Variants in GRAMD2A observed in about 807,000 individuals in gnomAD.
The protein encoded by GRAMD2A is GRAM domain-containing protein 2A.
GRAMD2A carries 37 observed loss-of-function variants against 51.1 expected under a neutral mutation model. That is an observed-to-expected ratio of 0.72 (90% CI 0.56 to 0.95). GRAMD2A has a LOEUF of 0.95. Ranked by LOEUF, GRAMD2A falls within the 40% of genes least tolerant of loss-of-function variation. The probability of loss-of-function intolerance (pLI) is 0.00; values close to 1 mark genes in which losing one functional copy is unlikely to be tolerated. For synonymous variants in GRAMD2A, 136 were observed against 157.1 expected, an observed-to-expected ratio of 0.87 and a Z score of 1.01; for missense variants, 414 against 426.9, an observed-to-expected ratio of 0.97 and a Z score of 0.27.
At chr15:72,195,467 C>T (rs759840501) in intron 1 of GRAMD2A, among the ~76,000 whole-genome samples, 2 of 152,170 alleles carry the variant, frequency 1.3e-5, no homozygotes, top group Non-Finnish European at 2.9e-5. Flanking sequence ...GCACTAACAG[C>T]GCAGCAGCTC....
chr15:72,179,935 G>T (rs774028076), intron 1 of GRAMD2A, among the ~76,000 whole-genome samples: 3 of 152,112 alleles, frequency 2.0e-5, no homozygotes, highest in Non-Finnish European at 2.9e-5. Flanking sequence ...GGAACCAGCC[G>T]CGGCAAGGCC....
intron 1 of GRAMD2A, among the ~76,000 whole-genome samples, chr15:72,190,118 T>C (rs1156664812): frequency 6.6e-6 from 1 of 152,216 alleles, no homozygotes; most frequent in Non-Finnish European, 1.5e-5. Flanking sequence ...GGCTCACGCC[T>C]GTAATCCCAG....
chr15:72,182,946 G>A (rs1480735388), intron 1 of GRAMD2A, among the ~76,000 whole-genome samples: 2 of 152,104 alleles, frequency 1.3e-5, no homozygotes, highest in African/African-American at 4.8e-5. Context: ...ATCATGGCTC[G>A]CTGCAGCCTC....
intron 1 of GRAMD2A, among the ~76,000 whole-genome samples, chr15:72,187,497 C>T (rs758574994): frequency 6.6e-6 from 1 of 151,220 alleles, no homozygotes; most frequent in Non-Finnish European, 1.5e-5. Context: ...AAAAAAACAA[C>T]AGTAAATTAA....
chr15:72,165,215 T>G, intron 8 of GRAMD2A, 139 bp downstream of exon 8: 1 of 728,662 alleles, frequency 1.4e-6, no homozygotes, highest in Non-Finnish European at 2.4e-6. Context: ...GTTTAAGAGA[T>G]GCCCTGGCAT....
At chr15:72,196,801 G>A (rs1361634840) in intron 1 of GRAMD2A, among the ~76,000 whole-genome samples, 1 of 152,156 alleles carries the variant, frequency 6.6e-6, no homozygotes, top group Non-Finnish European at 1.5e-5. Context: ...CAGCGGGGTG[G>A]AGCCCCACCA....
At position 72,170,512 on chromosome 15, in the gene GRAMD2A, C is replaced by T. The variant is rs546260318; in HGVS notation, c.42-573G>A. 1.2e-5 allele frequency: 5 copies of T among 433,270 alleles called. No individual in the cohort carries two copies. Among genetic ancestry groups the T allele is most frequent in the Non-Finnish European group, 2.3e-5 (5 of 215,604 alleles). The allele number at this position is 433,270 out of a possible 1,614,324, so 26.8% of individuals were successfully genotyped here. A position where few individuals can be genotyped will look rare whatever the true frequency, so the allele number is the denominator to read the frequency against. ...TCTTATACCAGGAAGTGGCCTCAGC[C>T]ACCTTGGACAGTCAGGACAGCTTGA... is the stretch of plus-strand genomic sequence containing the variant. On this transcript the variant is annotated intron_variant, in intron 1 of 11. Transcript: ENST00000309731. The surrounding 1 kb of genome is among the most constrained non-coding windows in gnomAD (Gnocchi z 4.5).
chr15:72,162,638 A>G, intron 10 of GRAMD2A: 2 of 365,436 alleles, frequency 5.5e-6, no homozygotes, highest in South Asian at 6.2e-5. Context: ...AGCTCTGGCC[A>G]GACAGCCAGA....
Position 72,166,793 on chromosome 15 carries a change from C to T in GRAMD2A, c.472-90G>A, listed in dbSNP as rs1330714576. 2.4e-5 allele frequency: 28 copies of T among 1,173,250 alleles called. No individual in the cohort carries two copies. Among genetic ancestry groups the T allele is most frequent in the South Asian group, 2.2e-4 (18 of 81,184 alleles). The allele number at this position is 1,173,250 out of a possible 1,614,324, so 72.7% of individuals were successfully genotyped here. On this transcript the variant is annotated intron_variant, in intron 6 of 11. Coordinates refer to ENST00000309731, the MANE Select transcript of GRAMD2A (RefSeq NM_001012642.3). This position sits in a 1 kb window ranked among gnomAD's most constrained non-coding sequence, Gnocchi z 4.1. ...CCCCCTTGTGGATTGGGCACAGGCC[C>T]ACAGGGGTATCAGGCCATGAGAGCC...
intron 1 of GRAMD2A, among the ~76,000 whole-genome samples, chr15:72,172,770 AT>A (rs1396690548): frequency 6.6e-6 from 1 of 151,912 alleles, no homozygotes; most frequent in Non-Finnish European, 1.5e-5. Flanking sequence ...TTAGTTTATC[AT>A]TTTTGTGATG....
intron 1 of GRAMD2A, among the ~76,000 whole-genome samples, chr15:72,188,263 G>A (rs916727825): frequency 6.6e-6 from 1 of 151,892 alleles, no homozygotes; most frequent in East Asian, 1.9e-4. Context: ...CTTGAACCCA[G>A]GAGGCGGAAA....
Position 72,169,835 on chromosome 15 carries a change from A to AGGGGTCCTCACCTGTAGTCCGG in GRAMD2A, c.124_134+11dup. 6.2e-7 allele frequency: 1 copy of AGGGGTCCTCACCTGTAGTCCGG among 1,600,684 alleles called. No individual in the cohort carries two copies. Among genetic ancestry groups the AGGGGTCCTCACCTGTAGTCCGG allele is most frequent in the Non-Finnish European group, 8.6e-7 (1 of 1,167,660 alleles). Reference sequence around the variant, plus strand: ...GTCTGTGTGTATCTATGACTGGGAAAGGGGTCCTCACCTGTAGTCCGGGGG... The same window carrying AGGGGTCCTCACCTGTAGTCCGG: ...GTCTGTGTGTATCTATGACTGGGAAAGGGGTCCTCACCTGTAGTCCGGGGGGTCCTCACCTGTAGTCCGGGGG... On this transcript the variant is annotated intron_variant, in intron 2 of 11. Coordinates refer to ENST00000309731, the MANE Select transcript of GRAMD2A (RefSeq NM_001012642.3).
intron 1 of GRAMD2A, among the ~76,000 whole-genome samples, chr15:72,184,187 C>G (rs781112987): frequency 1.3e-5 from 2 of 152,254 alleles, no homozygotes; most frequent in East Asian, 3.8e-4. Flanking sequence ...CCCAGTTCCC[C>G]AAGCCACCTT....
chr15:72,178,955 T>G (rs1418893264), intron 1 of GRAMD2A, among the ~76,000 whole-genome samples: 1 of 152,194 alleles, frequency 6.6e-6, no homozygotes, highest in African/African-American at 2.4e-5. Context: ...GCTTTGTCCT[T>G]TCCACTGACT....
chr15:72,197,616 G>T, intron 1 of GRAMD2A, 115 bp downstream of exon 1: 1 of 835,890 alleles, frequency 1.2e-6, no homozygotes, highest in Non-Finnish European at 1.6e-6. Flanking sequence ...CTGCCCCGTG[G>T]GCAGAACGCG....
rs1359970309 is a variant in GRAMD2A, at chr15:72,170,270, T to G, written c.42-331A>C. On this transcript the variant is annotated intron_variant, in intron 1 of 11. Coordinates refer to ENST00000309731, the MANE Select transcript of GRAMD2A (RefSeq NM_001012642.3). This position sits in a 1 kb window ranked among gnomAD's most constrained non-coding sequence, Gnocchi z 4.5. ...TGAGTGAGGCCTCTAGCCCCACCCT[T>G]GAGGAGGCACACTGAGAGGGAGGAC... The G allele has an allele frequency of 2.0e-6, 1 of 509,410 alleles. No homozygotes were observed. The highest frequency in any genetic ancestry group is 1.9e-5 in the African/African-American group (1 of 52,116). The allele number at this position is 509,410 out of a possible 1,614,324, so 31.6% of individuals were successfully genotyped here.
In GRAMD2A at chr15:72,178,826, G is replaced by A. The variant is rs565184202; in HGVS notation, c.42-8887C>T. Among the ~76,000 whole-genome samples the A allele has an allele frequency of 7.9e-5, 12 of 151,908 alleles. No homozygotes were observed. The South Asian group carries it at 1.0e-3, about 13-fold the overall frequency. ...CCTGACCTTGTGATCCGCCCGCCTC[G>A]GCCTCCCAAAGTGCTGGGATTACAG... On this transcript the variant is annotated intron_variant, in intron 1 of 11. Transcript: ENST00000309731.
chr15:72,196,045 G>C (rs1398118194), intron 1 of GRAMD2A, among the ~76,000 whole-genome samples: 1 of 152,204 alleles, frequency 6.6e-6, no homozygotes, highest in Non-Finnish European at 1.5e-5. Context: ...ACTTCTATTT[G>C]GCCCCAGCCT....
chr15:72,184,215 C>A (rs1290292163), intron 1 of GRAMD2A, among the ~76,000 whole-genome samples: 3 of 152,274 alleles, frequency 2.0e-5, no homozygotes, highest in African/African-American at 7.2e-5. Context: ...AGCACCTCCA[C>A]CCCTCGGCTA....
Sources: gnomAD v4.1 joint callset for allele counts (sites outside exome capture counted in the v4.1 genomes callset) on GRCh38, gnomAD v4.1.1 for gene constraint, Gnocchi (gnomAD v3.1) non-coding constraint, MANE v1.5 for transcripts, NCBI Gene and HGNC (gene_info 2026-07-23, HGNC 2026-07-21) for gene names.